Variants in NUF2 observed in about 807,000 individuals in gnomAD.
NUF2 encodes NUF2 component of NDC80 kinetochore complex, also known as kinetochore protein Nuf2.
In NUF2, 34 loss-of-function variants were observed where a neutral mutation model predicts 61.8. The observed-to-expected ratio is 0.55, with a 90% CI of 0.42 to 0.73. NUF2 has a LOEUF of 0.73. Among genes scored for constraint, NUF2 ranks in the 30% least tolerant of loss-of-function variants. NUF2 has a pLI of 0.00. For synonymous variants in NUF2, 172 were observed against 181.6 expected (o/e 0.95, Z 0.42); for missense variants, 445 against 539.1 (o/e 0.83, Z 1.73).
chr1:163,345,602 A>G, intron 10 of NUF2, 76 bp from the exon 11 acceptor site: 1 of 1,326,784 alleles, frequency 7.5e-7, no homozygotes, highest in South Asian at 1.4e-5. Context: ...ATTATTTAAG[A>G]GCAAACAAAT....
At chr1:163,346,669 CAT>C (rs2101687433) in intron 11 of NUF2, among the ~76,000 whole-genome samples, 1 of 152,310 alleles carries the variant, frequency 6.6e-6, no homozygotes, top group Admixed American at 6.5e-5. Context: ...GCTTGAACAA[CAT>C]AGCAAGATGC....
At chr1:163,342,175 T>C (rs1171638483) in intron 9 of NUF2, among the ~76,000 whole-genome samples, 2 of 152,176 alleles carry the variant, frequency 1.3e-5, no homozygotes, top group African/African-American at 2.4e-5. Context: ...TGTTTTAAAA[T>C]GTATACTTTA....
At position 163,322,018 on chromosome 1, in the gene NUF2, T is replaced by C. The variant is rs1006151976; in HGVS notation, c.-215T>C. The C allele has an allele frequency of 6.6e-6, 1 of 152,270 alleles. No individual in the cohort carries two copies. The highest frequency in any genetic ancestry group is 2.4e-5 in the African/African-American group (1 of 41,442). The allele number at this position is 152,270 out of a possible 1,614,324, so 9.4% of individuals were successfully genotyped here. ...GTTTGCTGATTTTTGACTTTGCTTG[T>C]AGCTGCTCCCCGAACTCGCCGTCTT... On this transcript the variant is annotated 5_prime_UTR_variant, in exon 1 of 14. Coordinates refer to ENST00000271452, the MANE Select transcript of NUF2 (RefSeq NM_145697.3).
intron 4 of NUF2, 61 bp from the exon 5 acceptor site, chr1:163,328,785 A>G: frequency 2.0e-6 from 2 of 1,010,704 alleles, no homozygotes; most frequent in Non-Finnish European, 3.1e-6. Context: ...TTTATATCCT[A>G]TAGCTTAGCA....
Position 163,341,339 on chromosome 1 carries a change from A to G in NUF2, c.669+913A>G, listed in dbSNP as rs1180753902. Among the ~76,000 whole-genome samples the G allele has an allele frequency of 3.9e-5, 6 of 152,088 alleles. No individual in the cohort carries two copies. The East Asian group carries it at 1.2e-3, about 29-fold the overall frequency. On this transcript the variant is annotated intron_variant, in intron 9 of 13. Coordinates refer to ENST00000271452, the MANE Select transcript of NUF2 (RefSeq NM_145697.3). ...ATTCTTCTGCCTCAGCCTCCTGACCAGCTGGGACTACAGGCTTGTGCCGCC... is the reference window on the plus strand; with the variant it reads ...ATTCTTCTGCCTCAGCCTCCTGACCGGCTGGGACTACAGGCTTGTGCCGCC...
chr1:163,355,046 A>G (rs1332016077), intron 13 of NUF2, among the ~76,000 whole-genome samples: 2 of 151,860 alleles, frequency 1.3e-5, no homozygotes, highest in Non-Finnish European at 2.9e-5. Context: ...CTAAAGTAAA[A>G]TTTTTCCTTG....
chr1:163,351,264 T>C (rs1008838876), intron 13 of NUF2, among the ~76,000 whole-genome samples: 25 of 152,198 alleles, frequency 1.6e-4, no homozygotes, highest in African/African-American at 4.1e-4. Flanking sequence ...TTGGGGTAGA[T>C]TTTTAGCAGC....
intron 11 of NUF2, among the ~76,000 whole-genome samples, chr1:163,347,317 G>T (rs989304101): frequency 6.6e-6 from 1 of 152,210 alleles, no homozygotes; most frequent in Non-Finnish European, 1.5e-5. Context: ...TTTGAGATAA[G>T]TAGGGATTAG....
chr1:163,344,320 T>C (rs1038381212), intron 10 of NUF2, among the ~76,000 whole-genome samples: 1 of 151,932 alleles, frequency 6.6e-6, no homozygotes, highest in African/African-American at 2.4e-5. Flanking sequence ...AAAATTAAAA[T>C]CTATTAATGG....
At chr1:163,351,032 C>T (rs751852178) in intron 13 of NUF2, among the ~76,000 whole-genome samples, 10 of 152,116 alleles carry the variant, frequency 6.6e-5, no homozygotes, top group Non-Finnish European at 1.2e-4. Context: ...ATAATGATCA[C>T]GGTTTCTTTC....
intron 5 of NUF2, among the ~76,000 whole-genome samples, chr1:163,330,115 A>G (rs1650548077): frequency 6.6e-6 from 1 of 152,180 alleles, no homozygotes; most frequent in African/African-American, 2.4e-5. Flanking sequence ...CTCTAATGGT[A>G]GATACTTGTC....
At chr1:163,335,324 C>T (rs901983592) in intron 5 of NUF2, among the ~76,000 whole-genome samples, 1 of 152,156 alleles carries the variant, frequency 6.6e-6, no homozygotes, top group African/African-American at 2.4e-5. Flanking sequence ...CAATATCTAG[C>T]AGATACTGAG....
At chr1:163,337,924 T>G in intron 6 of NUF2, 96 bp from the exon 7 acceptor site, 1 of 907,148 alleles carries the variant, frequency 1.1e-6, no homozygotes, top group South Asian at 1.4e-5. Flanking sequence ...AAATTTTTTA[T>G]TTCTGATGGT....
chr1:163,347,124 CTG>C (rs1651160674), intron 11 of NUF2, among the ~76,000 whole-genome samples: 1 of 152,190 alleles, frequency 6.6e-6, no homozygotes, highest in African/African-American at 2.4e-5. Flanking sequence ...GTGCCCAACA[CTG>C]TATCTAGGAC....
intron 2 of NUF2, 27 bp downstream of exon 2, chr1:163,326,201 G>T: frequency 6.2e-7 from 1 of 1,606,520 alleles, no homozygotes; most frequent in Non-Finnish European, 8.5e-7. Context: ...TTTGCATGTG[G>T]ATAATGGTAT....
rs548892274 is a variant in NUF2 at position 163,332,183 on chromosome 1, T to C, written c.337+3276T>C. Among the ~76,000 whole-genome samples, 9 of 152,260 alleles carry C rather than the reference T, an allele frequency of 5.9e-5. No individual in the cohort carries two copies. The South Asian group carries it at 1.9e-3, about 32-fold the overall frequency. ...CCTTGATATGTTGTATTTTCATTTT[T>C]ATTGGGTTCAAGATATTTTCTAATT... On this transcript the variant is annotated intron_variant, in intron 5 of 13. Transcript: ENST00000271452.
intron 13 of NUF2, 48 bp downstream of exon 13, chr1:163,349,128 T>C: frequency 6.5e-7 from 1 of 1,534,504 alleles, no homozygotes. Context: ...CTCTCATGTA[T>C]TTGAGTTGTT....
intron 7 of NUF2, 168 bp from the exon 8 acceptor site, chr1:163,339,213 C>A: frequency 1.8e-6 from 1 of 544,442 alleles, no homozygotes; most frequent in African/African-American, 1.9e-5. Context: ...TATTTTCTGC[C>A]TGTAGTAGAG....
chr1:163,328,248 C>A lies in NUF2; in HGVS notation c.219C>A (p.Val73=). 6.2e-7 allele frequency: 1 copy of A among 1,607,714 alleles called. No homozygotes were observed. Among genetic ancestry groups the A allele is most frequent in the Non-Finnish European group, 8.5e-7 (1 of 1,176,482 alleles). ...HFYMMPVNSE[V]MYPHLMEGFL... ...TTTAGATGCCAGTGAACTCTGAAGT[C>A]ATGTATCCACATTTAATGGAAGGCT... Residue 73 remains valine (V), a synonymous_variant, in exon 4 of 14, where the codon GTC becomes GTA. Transcript: ENST00000271452.
Sources: gnomAD v4.1 joint callset for allele counts (sites outside exome capture counted in the v4.1 genomes callset) on GRCh38, gnomAD v4.1.1 for gene constraint, MANE v1.5 for transcripts, NCBI Gene and HGNC (gene_info 2026-07-23, HGNC 2026-07-21) for gene names.